LRRC69: variants seen among roughly 807,000 people sequenced by gnomAD.
LRRC69 encodes the protein leucine-rich repeat-containing protein 69.
Under a neutral mutation model 37.8 loss-of-function variants are expected in LRRC69, and 42 were observed. The observed-to-expected ratio is 1.11, with a 90% confidence interval of 0.87 to 1.44. LRRC69 has a LOEUF of 1.44. LRRC69 is among the 40% of genes most tolerant of loss of function. The probability of loss-of-function intolerance (pLI) is 0.00; values close to 1 mark genes in which losing one functional copy is unlikely to be tolerated. For missense variants in LRRC69, 357 were observed against 401.9 expected, an observed-to-expected ratio of 0.89 and a Z score of 0.96; for synonymous variants, 141 against 143.1, an observed-to-expected ratio of 0.99 and a Z score of 0.11.
intron 1 of LRRC69, among the ~76,000 whole-genome samples, chr8:91,103,504 C>T (rs900719347): frequency 2.0e-5 from 3 of 151,930 alleles, no homozygotes; most frequent in African/African-American, 7.2e-5. Context: ...TGCCAAAAAT[C>T]TTGAGGTTGA....
chr8:91,102,698 G>A, exon 1 of LRRC69: 11 of 1,551,158 alleles, frequency 7.1e-6, no homozygotes, highest in Admixed American at 2.0e-5. Context: ...ATTGAGTGGT[G>A]GTAAAAATAC....
At chr8:91,194,743 T>C (rs1417833970) in intron 6 of LRRC69, among the ~76,000 whole-genome samples, 1 of 152,198 alleles carries the variant, frequency 6.6e-6, no homozygotes, top group African/African-American at 2.4e-5. Context: ...TTTTTTTCTT[T>C]ATTAGTCTTG....
At chr8:91,151,860 C>A (rs900131964) in intron 5 of LRRC69, among the ~76,000 whole-genome samples, 1 of 151,630 alleles carries the variant, frequency 6.6e-6, no homozygotes, top group South Asian at 2.1e-4. Flanking sequence ...GATGGTATCT[C>A]ATTGTGGTTT....
chr8:91,129,656 G>T (rs1320974540), intron 3 of LRRC69, among the ~76,000 whole-genome samples: 3 of 151,902 alleles, frequency 2.0e-5, no homozygotes, highest in African/African-American at 7.2e-5. Flanking sequence ...TTTCAGTGCT[G>T]AGTTGTCCTT....
At chr8:91,200,620 C>A in exon 7 of LRRC69, 12 of 1,428,438 alleles carry the variant, frequency 8.4e-6, no homozygotes, top group Admixed American at 3.5e-5. Flanking sequence ...TAGGAAATAA[C>A]ATCAAGATTT....
intron 7 of LRRC69, among the ~76,000 whole-genome samples, chr8:91,212,563 G>A (rs1278688817): frequency 6.6e-6 from 1 of 152,088 alleles, no homozygotes; most frequent in Admixed American, 6.5e-5. Context: ...TGCCAGTAAT[G>A]AAACATAAGA....
chr8:91,131,442 A>C (rs957901757), intron 3 of LRRC69, among the ~76,000 whole-genome samples: 19 of 152,086 alleles, frequency 1.2e-4, no homozygotes, highest in African/African-American at 4.6e-4. Flanking sequence ...TCTATAGATC[A>C]ATATTAAAAA....
At chr8:91,110,418 T>C (rs1414951616) in intron 1 of LRRC69, among the ~76,000 whole-genome samples, 1 of 151,958 alleles carries the variant, frequency 6.6e-6, no homozygotes, top group Non-Finnish European at 1.5e-5. Context: ...GTGGTGGGGA[T>C]CACCTGAGGT....
chr8:91,107,432 C>T (rs1227658077), intron 1 of LRRC69, among the ~76,000 whole-genome samples: 4 of 151,812 alleles, frequency 2.6e-5, no homozygotes, highest in South Asian at 2.1e-4. Flanking sequence ...CCACCACGCC[C>T]GGCCCATAGT....
intron 7 of LRRC69, among the ~76,000 whole-genome samples, chr8:91,212,236 CCTAAA>C (rs1052705942): frequency 1.3e-5 from 2 of 152,104 alleles, no homozygotes; most frequent in African/African-American, 4.8e-5. Flanking sequence ...TTAGACCTAA[CCTAAA>C]TAGTCTCATA....
At chr8:91,196,000 G>T (rs1452729365) in intron 6 of LRRC69, among the ~76,000 whole-genome samples, 1 of 152,190 alleles carries the variant, frequency 6.6e-6, no homozygotes, top group Non-Finnish European at 1.5e-5. Context: ...TCCTTTCCAT[G>T]TTTAGCGCTT....
At chr8:91,214,403 T>C (rs1809999859) in intron 7 of LRRC69, among the ~76,000 whole-genome samples, 1 of 152,174 alleles carries the variant, frequency 6.6e-6, no homozygotes, top group Admixed American at 6.5e-5. Flanking sequence ...CAGTATGTTA[T>C]TTGAAAACAT....
At chr8:91,212,220 A>G (rs1341088226) in intron 7 of LRRC69, among the ~76,000 whole-genome samples, 1 of 152,208 alleles carries the variant, frequency 6.6e-6, no homozygotes, top group African/African-American at 2.4e-5. Flanking sequence ...GTATTTGAAC[A>G]ATGACTTAGA....
At chr8:91,108,075 G>C (rs1197675602) in intron 1 of LRRC69, among the ~76,000 whole-genome samples, 1 of 151,962 alleles carries the variant, frequency 6.6e-6, no homozygotes, top group Non-Finnish European at 1.5e-5. Context: ...AAAGTCCAAC[G>C]GCAGTGTGGC....
At chr8:91,145,824 G>A (rs150587980) in intron 5 of LRRC69, among the ~76,000 whole-genome samples, 5 of 151,898 alleles carry the variant, frequency 3.3e-5, no homozygotes, top group African/African-American at 1.2e-4. Flanking sequence ...GAAGAAGAGG[G>A]TGTTGAATTA....
chr8:91,132,023 T>C (rs545578179), intron 3 of LRRC69, among the ~76,000 whole-genome samples: 4 of 152,130 alleles, frequency 2.6e-5, no homozygotes, highest in Admixed American at 6.6e-5. Flanking sequence ...GCTTCTACTA[T>C]GTACGGAGAG....
chr8:91,114,455 G>GTA (rs1554588936), intron 1 of LRRC69, among the ~76,000 whole-genome samples: 16,286 of 151,008 alleles, frequency 0.11, 2,016 homozygotes, highest in African/African-American at 0.3. Context: ...GTGTGTGTGT[G>GTA]TATATATATA....
chr8:91,116,980 G>A (rs1813521914), intron 1 of LRRC69, among the ~76,000 whole-genome samples: 1 of 152,058 alleles, frequency 6.6e-6, no homozygotes, highest in African/African-American at 2.4e-5. Context: ...GTAAGAGAAA[G>A]TGCACATGCC....
intron 5 of LRRC69, among the ~76,000 whole-genome samples, chr8:91,164,083 G>A (rs939686461): frequency 7.3e-5 from 11 of 151,356 alleles, no homozygotes; most frequent in African/African-American, 2.4e-4. Flanking sequence ...TTATTCTTAA[G>A]ATTTTTATGA....
Sources: gnomAD v4.1 joint callset for allele counts (sites outside exome capture counted in the v4.1 genomes callset) on GRCh38, gnomAD v4.1.1 for gene constraint, MANE v1.5 for transcripts, NCBI Gene and HGNC (gene_info 2026-07-23, HGNC 2026-07-21) for gene names.